Variants in C16orf96 observed in about 807,000 individuals in gnomAD.
C16orf96 encodes the protein chromosome 16 open reading frame 96.
Under a neutral mutation model 103.6 loss-of-function variants are expected in C16orf96, and 108 were observed. The ratio of observed to expected loss-of-function variants is 1.04; its 90% confidence interval spans 0.89 to 1.22. The LOEUF is 1.22. Ranked by LOEUF, C16orf96 falls within the 50% of genes most tolerant of loss-of-function variation. The pLI is 0.00. For missense variants in C16orf96, 1,586 were observed against 1,464.2 expected, an observed-to-expected ratio of 1.08 and a Z score of -1.36; for synonymous variants, 566 against 593.5, an observed-to-expected ratio of 0.95 and a Z score of 0.67.
At chr16:4,588,047 C>A in intron 8 of C16orf96, 120 bp from the exon 9 acceptor site, 1 of 1,030,348 alleles carries the variant, frequency 9.7e-7, no homozygotes, top group Non-Finnish European at 1.4e-6. Flanking sequence ...TGCATTTAAG[C>A]CAAGGCTAAA....
At chr16:4,595,289 C>T (rs1387638539) in intron 14 of C16orf96, among the ~76,000 whole-genome samples, 9 of 152,220 alleles carry the variant, frequency 5.9e-5, no homozygotes, top group Non-Finnish European at 5.9e-5. Flanking sequence ...CTCAGGACGC[C>T]GAGTCTCCCT....
rs2059486044 is a variant in C16orf96 at position 4,575,158 on chromosome 16, GC to G, written c.694-11del. 1.3e-6 allele frequency: 2 copies of G among 1,545,224 alleles called. No homozygotes were observed. The highest frequency in any genetic ancestry group is 4.9e-5 in the East Asian group (2 of 40,904). On this transcript the variant is annotated splice_polypyrimidine_tract_variant and intron_variant, in intron 4 of 15. Transcript: ENST00000444310. The stretch of plus-strand genomic sequence containing the variant: ...GGCTGGAAGCCAGCAGAGCCCCTCT[GC>G]CCCCTCTTCTGCAGGAAATTGGTTC...
At chr16:4,547,676 C>G in the C16orf96 span, among the ~76,000 whole-genome samples, 867 of 103,272 alleles carry the variant, frequency 8.4e-3, 15 homozygotes, top group African/African-American at 0.034. Flanking sequence ...TTCCTTGCTT[C>G]CTTCCTTCCT....
the C16orf96 span, among the ~76,000 whole-genome samples, chr16:4,549,982 C>G: frequency 2.0e-5 from 3 of 152,086 alleles, no homozygotes; most frequent in Non-Finnish European, 4.4e-5. Context: ...TATCAATTAC[C>G]CAGTCTCAGG....
chr16:4,585,979 G>A (rs1429886105), intron 7 of C16orf96, among the ~76,000 whole-genome samples: 1 of 152,148 alleles, frequency 6.6e-6, no homozygotes, highest in East Asian at 1.9e-4. Context: ...ACATATTGGA[G>A]CCAGGCGCGG....
At chr16:4,598,085 C>T (rs778681586) in intron 14 of C16orf96, among the ~76,000 whole-genome samples, 1 of 152,162 alleles carries the variant, frequency 6.6e-6, no homozygotes, top group Non-Finnish European at 1.5e-5. Context: ...GGTATAGTGG[C>T]TTACACCTGT....
the C16orf96 span, among the ~76,000 whole-genome samples, chr16:4,542,628 C>A: frequency 6.6e-6 from 1 of 151,838 alleles, no homozygotes; most frequent in Non-Finnish European, 1.5e-5. Context: ...GAAACCCCGT[C>A]TCTACTAAAA....
At chr16:4,557,387 C>G (rs563503307) in intron 1 of C16orf96, among the ~76,000 whole-genome samples, 41 of 152,132 alleles carry the variant, frequency 2.7e-4, no homozygotes, top group Non-Finnish European at 5.0e-4. Context: ...CAGCCTCCAT[C>G]AAGTATTGCA....
At chr16:4,551,867 C>T (rs2059230043), upstream of C16orf96, among the ~76,000 whole-genome samples, 1 of 152,132 alleles carries the variant, frequency 6.6e-6, no homozygotes, top group Non-Finnish European at 1.5e-5. Flanking sequence ...AGGTTTTAAG[C>T]CCTGCCTGCA....
the C16orf96 span, among the ~76,000 whole-genome samples, chr16:4,539,054 T>C: frequency 6.6e-6 from 1 of 152,210 alleles, no homozygotes; most frequent in African/African-American, 2.4e-5. Context: ...TTTTTTCTTT[T>C]ATGCGACTAA....
At chr16:4,592,510 C>T in intron 11 of C16orf96, 143 bp downstream of exon 11, 2 of 929,066 alleles carry the variant, frequency 2.2e-6, no homozygotes, top group Non-Finnish European at 3.3e-6. Flanking sequence ...GCCATCAAGT[C>T]CATACACGCC....
chr16:4,556,067 C>G (rs17137134), upstream of C16orf96, among the ~76,000 whole-genome samples: 874 of 152,258 alleles, frequency 5.7e-3, 12 homozygotes, highest in African/African-American at 0.02. Flanking sequence ...AACCTGTCTT[C>G]TGCCCGGATT....
At chr16:4,565,277 A>G (rs1223850958) in intron 1 of C16orf96, among the ~76,000 whole-genome samples, 5 of 152,070 alleles carry the variant, frequency 3.3e-5, no homozygotes, top group Admixed American at 2.0e-4. Context: ...TGAACTCAGC[A>G]CCATCCAAGC....
At chr16:4,557,945 G>T (rs1659504) in intron 1 of C16orf96, among the ~76,000 whole-genome samples, 4 of 152,188 alleles carry the variant, frequency 2.6e-5, no homozygotes, top group African/African-American at 9.7e-5. Flanking sequence ...GCTGGGATTA[G>T]AAGCGTGAGC....
intron 14 of C16orf96, among the ~76,000 whole-genome samples, chr16:4,597,901 G>A (rs938844198): frequency 3.3e-5 from 5 of 152,094 alleles, no homozygotes; most frequent in South Asian, 2.1e-4. Context: ...AAATTGTGAC[G>A]GATTTATAGC....
rs3892947 is a variant in C16orf96 at position 4,556,935 on chromosome 16, C to A, written c.420+26C>A. ...GTACGCCCCCAGCCTCCAGACACTT[C>A]TTTTCCTCCCTTCACCACTGGCTCT... On this transcript the variant is annotated intron_variant, in intron 1 of 15. Transcript: ENST00000444310. The A allele has an allele frequency of 4.0e-6, 6 of 1,512,728 alleles. No homozygotes were observed. In the Admixed American group the frequency reaches 1.3e-4, roughly 33 times the overall value. 93.7% of individuals were successfully genotyped at this position (1,512,728 alleles called of 1,614,324 possible).
intron 1 of C16orf96, among the ~76,000 whole-genome samples, chr16:4,564,241 G>T (rs964947179): frequency 6.6e-6 from 1 of 152,062 alleles, no homozygotes; most frequent in Non-Finnish European, 1.5e-5. Flanking sequence ...TTTTTGGCTG[G>T]CTTTGTGAAG....
chr16:4,592,117 A>G (rs1011292853), intron 10 of C16orf96, among the ~76,000 whole-genome samples, 188 bp from the exon 11 acceptor site: 1 of 152,192 alleles, frequency 6.6e-6, no homozygotes, highest in Non-Finnish European at 1.5e-5. Flanking sequence ...CACAGCTTTA[A>G]AAACCATCCG....
chr16:4,543,756 C>G, the C16orf96 span, among the ~76,000 whole-genome samples: 1 of 152,054 alleles, frequency 6.6e-6, no homozygotes, highest in African/African-American at 2.4e-5. Flanking sequence ...ATTCTTCTGC[C>G]TCAGCCATCC....
Sources: allele counts gnomAD v4.1 joint callset (sites outside exome capture counted in the v4.1 genomes callset), GRCh38; gene constraint gnomAD v4.1.1; transcripts MANE v1.5; gene names NCBI Gene and HGNC (gene_info 2026-07-23, HGNC 2026-07-21).